The following LINGO2 variants were observed in gnomAD, a reference collection of about 807,000 sequenced individuals.
LINGO2 encodes the protein leucine-rich repeat and immunoglobulin-like domain-containing nogo receptor-interacting protein 2.
A neutral mutation model predicts 30.6 loss-of-function variants in LINGO2; 14 were observed. That is an observed-to-expected ratio of 0.46 (90% CI 0.30 to 0.72). The LOEUF is 0.72. LINGO2 is among the 30% of genes least tolerant of loss of function. LINGO2 has a pLI of 0.07. For synonymous variants in LINGO2, 317 were observed against 288.5 expected, an observed-to-expected ratio of 1.10 and a Z score of -1.00; for missense variants, 729 against 751.7, an observed-to-expected ratio of 0.97 and a Z score of 0.35.
the LINGO2 span, among the ~76,000 whole-genome samples, chr9:29,060,357 T>C: frequency 1.1e-4 from 16 of 152,088 alleles, no homozygotes; most frequent in African/African-American, 3.9e-4. Context: ...GAGCTGCATT[T>C]GTATTGGACA....
chr9:28,770,713 C>A, the LINGO2 span, among the ~76,000 whole-genome samples: 12,759 of 151,964 alleles, frequency 0.084, 597 homozygotes, highest in African/African-American at 0.1. Context: ...TTATAACATG[C>A]AAAAACACAC....
intron 2 of LINGO2, among the ~76,000 whole-genome samples, chr9:28,382,591 T>A (rs941983872): frequency 5.3e-5 from 8 of 152,154 alleles, no homozygotes; most frequent in African/African-American, 1.9e-4. Context: ...GCCATTCACA[T>A]GCAGTCTGCA....
At chr9:28,088,335 A>C (rs537790207) in intron 4 of LINGO2, among the ~76,000 whole-genome samples, 1 of 152,120 alleles carries the variant, frequency 6.6e-6, no homozygotes, top group South Asian at 2.1e-4. Flanking sequence ...ACCTGCTTCT[A>C]GTATATACAT....
At position 28,568,714 on chromosome 9, in the gene LINGO2, A is replaced by G. The variant is rs200348440; in HGVS notation, c.-364-92689T>C. 9.3e-5 allele frequency among the ~76,000 whole-genome samples: 14 copies of G among 150,102 alleles called. No homozygotes were observed. The East Asian group carries it at 2.4e-3, about 25-fold the overall frequency. ...TATTGAAAATGCTGAAAGAAAAAATAAAAACTTCCTCTGAAGGATGCTTTA... is the reference window on the plus strand; with the variant it reads ...TATTGAAAATGCTGAAAGAAAAAATGAAAACTTCCTCTGAAGGATGCTTTA... On this transcript the variant is annotated intron_variant, in intron 1 of 5. Transcript: ENST00000379992.
At chr9:29,128,750 A>G in the LINGO2 span, among the ~76,000 whole-genome samples, 12 of 152,132 alleles carry the variant, frequency 7.9e-5, no homozygotes, top group African/African-American at 2.9e-4. Context: ...TCTCATGGCT[A>G]GAGTTCCAAG....
chr9:28,505,706 CTAATGCA>C (rs1220112894), intron 1 of LINGO2, among the ~76,000 whole-genome samples: 1 of 151,886 alleles, frequency 6.6e-6, no homozygotes, highest in East Asian at 1.9e-4. Flanking sequence ...CATTTACCAA[CTAATGCA>C]TAACCTGCAT....
chr9:28,490,221 G>C (rs1826343580), intron 1 of LINGO2, among the ~76,000 whole-genome samples: 1 of 152,144 alleles, frequency 6.6e-6, no homozygotes. Flanking sequence ...ATACAACCTT[G>C]TGGGAAAGGC....
the LINGO2 span, among the ~76,000 whole-genome samples, chr9:28,920,297 A>AAT: frequency 1.5e-4 from 23 of 150,992 alleles, no homozygotes; most frequent in East Asian, 1.9e-3. Context: ...GGACTAGTAT[A>AAT]ATATATATAT....
chr9:29,042,770 T>C, the LINGO2 span, among the ~76,000 whole-genome samples: 1 of 152,080 alleles, frequency 6.6e-6, no homozygotes, highest in African/African-American at 2.4e-5. Flanking sequence ...ATTTTTCTAA[T>C]ACACACAATT....
At chr9:28,019,396 AG>A (rs1823003824) in intron 4 of LINGO2, among the ~76,000 whole-genome samples, 1 of 151,694 alleles carries the variant, frequency 6.6e-6, no homozygotes, top group African/African-American at 2.4e-5. Flanking sequence ...AGTGCTGGGT[AG>A]GGAACCATGG....
intron 1 of LINGO2, among the ~76,000 whole-genome samples, chr9:28,487,475 G>T (rs942356540): frequency 2.0e-5 from 3 of 152,010 alleles, no homozygotes; most frequent in Admixed American, 2.0e-4. Context: ...AATTTTAAAG[G>T]AAATTTATCT....
At chr9:28,813,191 G>C in the LINGO2 span, among the ~76,000 whole-genome samples, 6,283 of 152,022 alleles carry the variant, frequency 0.041, 190 homozygotes, top group Admixed American at 0.081. Flanking sequence ...GAAGAAAATG[G>C]GATACAGTAG....
At chr9:29,075,052 T>C in the LINGO2 span, among the ~76,000 whole-genome samples, 2 of 152,184 alleles carry the variant, frequency 1.3e-5, no homozygotes, top group Non-Finnish European at 2.9e-5. Context: ...GTCAACTAGC[T>C]GTGGATACCT....
chr9:28,920,510 T>C, the LINGO2 span, among the ~76,000 whole-genome samples: 2 of 152,202 alleles, frequency 1.3e-5, no homozygotes, highest in African/African-American at 4.8e-5. Context: ...CAAATGTGGC[T>C]AGAAACTATC....
chr9:28,777,732 G>C, the LINGO2 span, among the ~76,000 whole-genome samples: 1 of 152,154 alleles, frequency 6.6e-6, no homozygotes, highest in Non-Finnish European at 1.5e-5. Context: ...ATGTGGGTAG[G>C]AGACATTATA....
the LINGO2 span, among the ~76,000 whole-genome samples, chr9:28,709,276 G>C: frequency 6.6e-6 from 1 of 151,984 alleles, no homozygotes; most frequent in African/African-American, 2.4e-5. Flanking sequence ...TGCCTGACTG[G>C]ACATTCCTAA....
chr9:29,029,792 G>C, the LINGO2 span, among the ~76,000 whole-genome samples: 3 of 152,012 alleles, frequency 2.0e-5, no homozygotes, highest in South Asian at 6.2e-4. Flanking sequence ...TTTCGAGCAA[G>C]TTTCTGCCTC....
the LINGO2 span, among the ~76,000 whole-genome samples, chr9:28,997,039 T>C: frequency 6.6e-6 from 1 of 152,188 alleles, no homozygotes; most frequent in African/African-American, 2.4e-5. Context: ...ATATGCCTAA[T>C]TTATCATCTG....
chr9:28,003,374 GAT>G (rs1563901846), intron 5 of LINGO2, among the ~76,000 whole-genome samples: 53 of 145,058 alleles, frequency 3.7e-4, no homozygotes, highest in African/African-American at 8.5e-4. Context: ...TAGATAGATA[GAT>G]AGATAGATAT....
Sources: allele counts gnomAD v4.1 joint callset (sites outside exome capture counted in the v4.1 genomes callset), GRCh38; gene constraint gnomAD v4.1.1; transcripts MANE v1.5; gene names NCBI Gene and HGNC (gene_info 2026-07-23, HGNC 2026-07-21).